The following RBMS3 variants were observed in gnomAD, a reference collection of about 807,000 sequenced individuals.
RBMS3 encodes the protein RNA-binding motif, single-stranded-interacting protein 3.
A neutral mutation model predicts 66.8 loss-of-function variants in RBMS3; 27 were observed. The observed-to-expected ratio is 0.40, with a 90% CI of 0.30 to 0.56. The LOEUF (loss-of-function observed/expected upper bound fraction) is 0.56, where lower values mean the gene tolerates loss of function less well. Among genes scored for constraint, RBMS3 ranks in the 20% least tolerant of loss-of-function variants. RBMS3 has a pLI of 0.40. For synonymous variants in RBMS3, 188 were observed against 183.0 expected, an observed-to-expected ratio of 1.03 and a Z score of -0.22; for missense variants, 513 against 549.5, an observed-to-expected ratio of 0.93 and a Z score of 0.66.
intron 10 of RBMS3, among the ~76,000 whole-genome samples, chr3:29,920,653 A>G (rs1287691523): frequency 6.6e-6 from 1 of 152,056 alleles, no homozygotes; most frequent in Non-Finnish European, 1.5e-5. Context: ...TAAAGTCCCT[A>G]ATGAATATAC....
intron 2 of RBMS3, among the ~76,000 whole-genome samples, chr3:29,450,383 C>A (rs2041973850): frequency 6.6e-6 from 1 of 152,196 alleles, no homozygotes; most frequent in Admixed American, 6.5e-5. Context: ...GCCTTCCAAA[C>A]TCCTTTCATT....
At chr3:29,302,785 C>T (rs1283602990) in intron 1 of RBMS3, among the ~76,000 whole-genome samples, 4 of 152,032 alleles carry the variant, frequency 2.6e-5, no homozygotes, top group Non-Finnish European at 5.9e-5. Flanking sequence ...GGCTGGGATG[C>T]ATTATCACTT....
chr3:29,587,503 T>C (rs1295313242), intron 4 of RBMS3, among the ~76,000 whole-genome samples: 1 of 151,798 alleles, frequency 6.6e-6, no homozygotes, highest in Non-Finnish European at 1.5e-5. Flanking sequence ...GGTAACCTCA[T>C]TAGAGACTTA....
intron 6 of RBMS3, among the ~76,000 whole-genome samples, chr3:29,849,170 ATGTGTGTGTGTG>A (rs10571760): frequency 4.9e-5 from 7 of 141,676 alleles, no homozygotes; most frequent in South Asian, 2.4e-4. Context: ...CACCAAAGGA[ATGTGTGTGTGTG>A]TGTGTGTGTG....
At chr3:29,648,805 A>T (rs1349258424) in intron 4 of RBMS3, among the ~76,000 whole-genome samples, 1 of 152,186 alleles carries the variant, frequency 6.6e-6, no homozygotes, top group Non-Finnish European at 1.5e-5. Context: ...AACTTGAAAA[A>T]GTCTCCAAGA....
intron 1 of RBMS3, among the ~76,000 whole-genome samples, chr3:29,377,791 A>G (rs1164802163): frequency 1.3e-5 from 2 of 152,122 alleles, no homozygotes; most frequent in African/African-American, 4.8e-5. Flanking sequence ...ATGACCCCCA[A>G]TACTGGGTTT....
intron 4 of RBMS3, among the ~76,000 whole-genome samples, chr3:29,723,709 TG>T (rs1351939592): frequency 6.6e-6 from 1 of 152,102 alleles, no homozygotes; most frequent in Non-Finnish European, 1.5e-5. Flanking sequence ...GAGGTGGAGC[TG>T]AAAGAGCAGA....
intron 2 of RBMS3, among the ~76,000 whole-genome samples, chr3:29,483,309 C>CAAAAAAAA (rs72225547): frequency 4.0e-5 from 3 of 75,526 alleles, no homozygotes; most frequent in African/African-American, 7.9e-5. Flanking sequence ...TTCGTCTTAA[C>CAAAAAAAA]AAAAAAAAAA....
chr3:29,596,631 T>G (rs538945191), intron 4 of RBMS3, among the ~76,000 whole-genome samples: 2 of 152,342 alleles, frequency 1.3e-5, no homozygotes, highest in East Asian at 3.9e-4. Flanking sequence ...ACCCAAGCCT[T>G]TCTGGTTCCA....
At chr3:29,333,689 C>T (rs554879606) in intron 1 of RBMS3, among the ~76,000 whole-genome samples, 6 of 152,252 alleles carry the variant, frequency 3.9e-5, no homozygotes, top group African/African-American at 9.6e-5. Flanking sequence ...TAAGTTGAGT[C>T]GCTGTGTCTC....
intron 3 of RBMS3, among the ~76,000 whole-genome samples, chr3:29,535,710 CTTTTTTTTTTTTTTTTTTT>C (rs149022808): frequency 8.8e-4 from 35 of 39,750 alleles, no homozygotes; most frequent in African/African-American, 3.2e-3. Flanking sequence ...GATCATTGCT[CTTTTTTTTTTTTTTTTTTT>C]TTTTTTTTTT....
At chr3:29,755,938 ATTAAG>A (rs1399538230) in intron 5 of RBMS3, among the ~76,000 whole-genome samples, 3 of 152,178 alleles carry the variant, frequency 2.0e-5, no homozygotes, top group Non-Finnish European at 1.5e-5. Flanking sequence ...CCCTGTATAA[ATTAAG>A]TTAAATAATT....
intron 6 of RBMS3, among the ~76,000 whole-genome samples, chr3:29,820,188 C>CAAAAAAAAAAAAAAAAAAAA (rs71091078): frequency 1.4e-5 from 1 of 69,820 alleles, no homozygotes; most frequent in Non-Finnish European, 2.5e-5. Flanking sequence ...GACTTCTTCT[C>CAAAAAAAAAAAAAAAAAAAA]AAAAAAAAAA....
At chr3:29,755,042 G>A (rs965459403) in intron 5 of RBMS3, among the ~76,000 whole-genome samples, 6 of 152,134 alleles carry the variant, frequency 3.9e-5, no homozygotes, top group African/African-American at 4.8e-5. Flanking sequence ...TAATATCTAG[G>A]AATGAAATAT....
chr3:29,452,289 G>A (rs1025797105), intron 2 of RBMS3, among the ~76,000 whole-genome samples: 2 of 152,130 alleles, frequency 1.3e-5, no homozygotes, highest in African/African-American at 2.4e-5. Context: ...TTTAAACAGA[G>A]CATAGATATA....
chr3:29,930,608 C>G (rs923578138), intron 10 of RBMS3, among the ~76,000 whole-genome samples: 3 of 151,958 alleles, frequency 2.0e-5, no homozygotes, highest in African/African-American at 4.8e-5. Context: ...ACCACTACCC[C>G]CTAGGTGCTA....
At chr3:29,686,374 A>G (rs995560909) in intron 4 of RBMS3, among the ~76,000 whole-genome samples, 6 of 152,126 alleles carry the variant, frequency 3.9e-5, no homozygotes, top group African/African-American at 1.4e-4. Flanking sequence ...CATATCATGG[A>G]CAGTTCTGAT....
chr3:29,553,959 T>G (rs1181712200), intron 3 of RBMS3, among the ~76,000 whole-genome samples: 2 of 152,182 alleles, frequency 1.3e-5, no homozygotes, highest in Non-Finnish European at 2.9e-5. Context: ...TTATAATTAC[T>G]GTAACCTTCT....
At chr3:29,743,907 C>T (rs1373780473) in intron 5 of RBMS3, among the ~76,000 whole-genome samples, 1 of 120,284 alleles carries the variant, frequency 8.3e-6, no homozygotes, top group Non-Finnish European at 1.7e-5. Context: ...CCCCCCACCC[C>T]ACAACAGTCC....
Sources: gnomAD v4.1 joint callset for allele counts (sites outside exome capture counted in the v4.1 genomes callset) on GRCh38, gnomAD v4.1.1 for gene constraint, MANE v1.5 for transcripts, NCBI Gene and HGNC (gene_info 2026-07-23, HGNC 2026-07-21) for gene names.